PRDX3: variants seen among roughly 807,000 people sequenced by gnomAD.
The protein encoded by PRDX3 is peroxiredoxin 3, also known as thioredoxin-dependent peroxide reductase, mitochondrial.
Under a neutral mutation model 30.4 loss-of-function variants are expected in PRDX3, and 20 were observed. The observed-to-expected ratio is 0.66, with a 90% CI of 0.46 to 0.96. The LOEUF is 0.96. PRDX3 is among the 40% of genes least tolerant of loss of function. The probability of loss-of-function intolerance (pLI) is 0.00; values close to 1 mark genes in which losing one functional copy is unlikely to be tolerated. For missense variants in PRDX3, 322 were observed against 318.3 expected (o/e 1.01, Z -0.09); for synonymous variants, 124 against 117.8 (o/e 1.05, Z -0.34).
At chr10:119,171,687 C>T (rs750157796) in intron 5 of PRDX3, among the ~76,000 whole-genome samples, 9 of 152,138 alleles carry the variant, frequency 5.9e-5, no homozygotes, top group Non-Finnish European at 1.0e-4. Flanking sequence ...CTATTTAATC[C>T]TCACACCCAC....
chr10:119,174,652 T>G (rs898152307), intron 2 of PRDX3, 60 bp from the exon 3 acceptor site: 2 of 1,458,462 alleles, frequency 1.4e-6, no homozygotes, highest in African/African-American at 2.9e-5. Context: ...CACCTATGAT[T>G]TTATTTAAAC....
At chr10:119,175,235 C>T (rs1847998893) in intron 2 of PRDX3, among the ~76,000 whole-genome samples, 1 of 152,156 alleles carries the variant, frequency 6.6e-6, no homozygotes, top group Non-Finnish European at 1.5e-5. Context: ...TAGGAAACAG[C>T]AGGAAGGAAG....
chr10:119,173,949 T>C (rs1847970545), intron 3 of PRDX3, 77 bp from the exon 4 acceptor site: 1 of 1,482,808 alleles, frequency 6.7e-7, no homozygotes, highest in Non-Finnish European at 9.2e-7. Context: ...TAACAACTAG[T>C]TCAACTTGCT....
chr10:119,177,649 CAAAAAAA>C (rs34339894), intron 1 of PRDX3, among the ~76,000 whole-genome samples: 1 of 94,902 alleles, frequency 1.1e-5, no homozygotes, highest in African/African-American at 3.7e-5. Context: ...AACTCCGTCT[CAAAAAAA>C]AAAAAAAAAA....
chr10:119,174,758 G>T, intron 2 of PRDX3, 166 bp from the exon 3 acceptor site: 1 of 619,352 alleles, frequency 1.6e-6, no homozygotes, highest in Non-Finnish European at 2.6e-6. Context: ...TGCCACCTGT[G>T]GGGGGATTGG....
Position 119,168,521 on chromosome 10 carries a change from G to T in PRDX3, c.730C>A (p.Pro244Thr), listed in dbSNP as rs768037445. ...TGAAAGTACTCTTTGGAAGCAGCTG[G>T]ACTTGGCTTGATCTGAAAATACAAA... Reference protein sequence around the residue: ...TPDSPTIKPSPAASKEYFQKV... With the variant: ...TPDSPTIKPSTAASKEYFQKV... The change falls in exon 7 of 7, where the codon CCA (proline) becomes ACA (threonine). Residue 244 changes from proline (P) to threonine (T), a missense_variant. Coordinates refer to ENST00000298510, the MANE Select transcript of PRDX3 (RefSeq NM_006793.5). The T allele has an allele frequency of 1.2e-6, 2 of 1,613,830 alleles. No individual in the cohort carries two copies. The highest frequency in any genetic ancestry group is 4.5e-5 in the East Asian group (2 of 44,862).
intron 1 of PRDX3, 119 bp from the exon 2 acceptor site, chr10:119,177,272 CA>C: frequency 1.0e-6 from 1 of 974,378 alleles, no homozygotes. Context: ...TAGCAAACCC[CA>C]AACTCTAAGA....
Position 119,169,359 on chromosome 10 carries a change from C to T in PRDX3, c.552-17G>A. 6.2e-7 allele frequency: 1 copy of T among 1,609,656 alleles called. No homozygotes were observed. The highest frequency in any genetic ancestry group is 8.5e-7 in the Non-Finnish European group (1 of 1,177,070). ...AAGAGACCTCTGCATGATCATTTAT[C>T]CTCATCAGTGCCTCAACAGTACCAG... On this transcript the variant is annotated splice_polypyrimidine_tract_variant and intron_variant, in intron 5 of 6. Coordinates refer to ENST00000298510, the MANE Select transcript of PRDX3 (RefSeq NM_006793.5).
intron 6 of PRDX3, 110 bp downstream of exon 6, chr10:119,169,067 C>T: frequency 1.0e-6 from 1 of 984,268 alleles, no homozygotes; most frequent in Non-Finnish European, 1.5e-6. Context: ...ATTTGCATAT[C>T]ATCTGCACGC....
chr10:119,176,928 C>CT, intron 2 of PRDX3, 93 bp downstream of exon 2: 5 of 1,518,864 alleles, frequency 3.3e-6, no homozygotes, highest in Non-Finnish European at 4.5e-6. Flanking sequence ...CCAGGTGACT[C>CT]TAACGTTTGG....
At chr10:119,178,536 G>A (rs531756018) in intron 1 of PRDX3, among the ~76,000 whole-genome samples, 33 of 152,364 alleles carry the variant, frequency 2.2e-4, no homozygotes, top group Non-Finnish European at 4.4e-4. Flanking sequence ...CGAAAGAGGA[G>A]GGACTCGGGG....
intron 5 of PRDX3, among the ~76,000 whole-genome samples, 175 bp downstream of exon 5, chr10:119,172,207 T>G (rs1159599999): frequency 3.9e-5 from 6 of 152,206 alleles, no homozygotes; most frequent in Admixed American, 3.9e-4. Context: ...TGAACTCAAG[T>G]GATCTTCCCG....
At chr10:119,176,926 C>T (rs923283861) in intron 2 of PRDX3, 95 bp downstream of exon 2, 1 of 1,500,536 alleles carries the variant, frequency 6.7e-7, no homozygotes. Context: ...TCCCAGGTGA[C>T]TCTAACGTTT....
At chr10:119,174,413 T>G in intron 3 of PRDX3, 38 bp downstream of exon 3, 1 of 1,570,758 alleles carries the variant, frequency 6.4e-7, no homozygotes, top group Non-Finnish European at 8.6e-7. Context: ...GTGCTTGCTC[T>G]CAGAATGACA....
chr10:119,169,475 G>T, intron 5 of PRDX3, 133 bp from the exon 6 acceptor site: 1 of 775,772 alleles, frequency 1.3e-6, no homozygotes, highest in Non-Finnish European at 2.0e-6. Context: ...TTAAAGGTGG[G>T]GTTTTCACTG....
chr10:119,172,599 C>T (rs985268295), intron 4 of PRDX3, 114 bp from the exon 5 acceptor site: 11 of 875,274 alleles, frequency 1.3e-5, no homozygotes, highest in South Asian at 2.8e-5. Context: ...AATTCAACAA[C>T]GGGCCAAGCA....
At chr10:119,177,715 G>A (rs1298324084) in intron 1 of PRDX3, among the ~76,000 whole-genome samples, 1 of 148,666 alleles carries the variant, frequency 6.7e-6, no homozygotes, top group Non-Finnish European at 1.5e-5. Context: ...CAGAAGCCAG[G>A]GGACTTGTGC....
chr10:119,168,423 C>T lies in PRDX3; in HGVS notation c.*57G>A. On this transcript the variant is annotated 3_prime_UTR_variant, in exon 7 of 7. Coordinates refer to ENST00000298510, the MANE Select transcript of PRDX3 (RefSeq NM_006793.5). ...ATAACCATCTTGAAAATGATAAAAG[C>T]AGGTTTCAACTGTGGTTCTTCTCTC... 6.2e-7 allele frequency: 1 copy of T among 1,606,670 alleles called. No individual in the cohort carries two copies. The highest frequency in any genetic ancestry group is 8.5e-7 in the Non-Finnish European group (1 of 1,178,520).
At chr10:119,177,499 A>T (rs1848065021) in intron 1 of PRDX3, among the ~76,000 whole-genome samples, 1 of 151,704 alleles carries the variant, frequency 6.6e-6, no homozygotes, top group African/African-American at 2.4e-5. Flanking sequence ...CTCTACTAAA[A>T]ACACAAAACT....
Sources: gnomAD v4.1 joint callset for allele counts (sites outside exome capture counted in the v4.1 genomes callset) on GRCh38, gnomAD v4.1.1 for gene constraint, MANE v1.5 for transcripts, NCBI Gene and HGNC (gene_info 2026-07-23, HGNC 2026-07-21) for gene names.